Variants in XKR6 observed in about 807,000 individuals in gnomAD.
The protein encoded by XKR6 is XK related 6, also known as XK-related protein 6.
A neutral mutation model predicts 56.7 loss-of-function variants in XKR6; 22 were observed. That is an observed-to-expected ratio of 0.39 (90% CI 0.28 to 0.55). The LOEUF (loss-of-function observed/expected upper bound fraction) is 0.55. Among genes scored for constraint, XKR6 ranks in the 20% least tolerant of loss-of-function variants. XKR6 has a pLI of 0.66. For synonymous variants in XKR6, 524 were observed against 387.8 expected (o/e 1.35, Z -4.13); for missense variants, 852 against 889.0 (o/e 0.96, Z 0.53).
At chr8:11,098,908 G>GGA (rs1798362216) in intron 1 of XKR6, among the ~76,000 whole-genome samples, 1 of 150,164 alleles carries the variant, frequency 6.7e-6, no homozygotes, top group African/African-American at 2.4e-5. Context: ...TTCCCCCATG[G>GGA]AAAAAAAAAT....
intron 1 of XKR6, among the ~76,000 whole-genome samples, chr8:11,051,060 C>A (rs941851732): frequency 2.0e-5 from 3 of 152,130 alleles, no homozygotes; most frequent in African/African-American, 7.2e-5. Flanking sequence ...CTCATTCTTG[C>A]CAAAAAGTCA....
chr8:11,194,956 C>T (rs1228592826), intron 1 of XKR6: 3 of 539,054 alleles, frequency 5.6e-6, no homozygotes, highest in Non-Finnish European at 6.5e-6. Flanking sequence ...CATCCCCTTC[C>T]CTTGAAAATT....
intron 1 of XKR6, among the ~76,000 whole-genome samples, chr8:10,956,683 G>C (rs1563310888): frequency 1.3e-5 from 2 of 152,196 alleles, no homozygotes; most frequent in Non-Finnish European, 2.9e-5. Flanking sequence ...GGATGTCAAA[G>C]GGAAGCATCG....
chr8:11,072,914 G>A (rs1315203902), intron 1 of XKR6, among the ~76,000 whole-genome samples: 1 of 152,176 alleles, frequency 6.6e-6, no homozygotes, highest in Non-Finnish European at 1.5e-5. Flanking sequence ...GCCGGGCGTG[G>A]TGGCGGGTGC....
intron 1 of XKR6, among the ~76,000 whole-genome samples, chr8:11,092,822 A>T (rs1415151420): frequency 6.6e-6 from 1 of 152,164 alleles, no homozygotes; most frequent in Non-Finnish European, 1.5e-5. Context: ...GCCATGGAAG[A>T]CTGGAGCAGA....
chr8:11,078,890 C>T (rs1800342898), intron 1 of XKR6, among the ~76,000 whole-genome samples: 1 of 152,256 alleles, frequency 6.6e-6, no homozygotes, highest in Non-Finnish European at 1.5e-5. Flanking sequence ...AGGCCTCATC[C>T]TCATGAGCCG....
At chr8:11,191,516 C>T (rs1473705418) in intron 1 of XKR6, among the ~76,000 whole-genome samples, 9 of 152,020 alleles carry the variant, frequency 5.9e-5, no homozygotes, top group African/African-American at 2.2e-4. Context: ...GATATGATGC[C>T]AACATGAAGA....
At chr8:11,099,052 G>A (rs957964924) in intron 1 of XKR6, among the ~76,000 whole-genome samples, 11 of 152,108 alleles carry the variant, frequency 7.2e-5, no homozygotes, top group Non-Finnish European at 1.0e-4. Flanking sequence ...CACCCTCAAC[G>A]CCCCACCAGG....
intron 1 of XKR6, among the ~76,000 whole-genome samples, chr8:11,184,894 T>G (rs920231437): frequency 6.6e-5 from 10 of 152,132 alleles, no homozygotes; most frequent in Non-Finnish European, 1.5e-4. Context: ...ACAAACCAAA[T>G]AGAATTCCAT....
intron 1 of XKR6, among the ~76,000 whole-genome samples, chr8:11,184,287 C>G (rs1310908886): frequency 6.6e-6 from 1 of 151,924 alleles, no homozygotes; most frequent in African/African-American, 2.4e-5. Context: ...CATGCAGACC[C>G]CTGGTACAGT....
chr8:11,092,880 T>C (rs1798122230), intron 1 of XKR6, among the ~76,000 whole-genome samples: 1 of 152,178 alleles, frequency 6.6e-6, no homozygotes, highest in Non-Finnish European at 1.5e-5. Flanking sequence ...CCGCCTCATC[T>C]TACAGCAGGC....
chr8:11,183,643 A>T (rs545547713), intron 1 of XKR6, among the ~76,000 whole-genome samples: 1 of 152,228 alleles, frequency 6.6e-6, no homozygotes, highest in East Asian at 1.9e-4. Context: ...ATTTTTAAAA[A>T]TTATTTAAGA....
chr8:11,046,367 C>A (rs1282362581), intron 1 of XKR6, among the ~76,000 whole-genome samples: 1 of 151,766 alleles, frequency 6.6e-6, no homozygotes, highest in Non-Finnish European at 1.5e-5. Flanking sequence ...ACCACTGCAT[C>A]CCAGCCTGGG....
At chr8:11,017,726 G>C (rs905959815) in intron 1 of XKR6, among the ~76,000 whole-genome samples, 2 of 152,200 alleles carry the variant, frequency 1.3e-5, no homozygotes, top group African/African-American at 4.8e-5. Context: ...TTTGACCTGG[G>C]TCCTGAGGAC....
chr8:11,033,123 G>A (rs1008202251), intron 1 of XKR6, among the ~76,000 whole-genome samples: 1 of 150,126 alleles, frequency 6.7e-6, no homozygotes, highest in Non-Finnish European at 1.5e-5. Flanking sequence ...AGATTATCAC[G>A]ATGGTAATGA....
rs576297963 is a variant in XKR6, at chr8:11,061,937, G to C, written c.765-137107C>G. Among the ~76,000 whole-genome samples, 11 of 152,298 alleles carry C rather than the reference G, an allele frequency of 7.2e-5. No homozygotes were observed. The South Asian group carries it at 1.7e-3, about 23-fold the overall frequency. The stretch of plus-strand genomic sequence containing the variant: ...TGCTGCTCTTAGCTTCCCTGCCTGT[G>C]TCCCTCGGCTGGCCCTGCTCCTCCC... On this transcript the variant is annotated intron_variant, in intron 1 of 2. Transcript: ENST00000416569.
At chr8:11,045,640 A>C (rs1586472156) in intron 1 of XKR6, among the ~76,000 whole-genome samples, 1 of 152,186 alleles carries the variant, frequency 6.6e-6, no homozygotes, top group East Asian at 1.9e-4. Flanking sequence ...AGTGTTGCGG[A>C]CAGCTCGGAG....
chr8:10,902,852 A>G (rs893243336), intron 2 of XKR6, among the ~76,000 whole-genome samples: 3 of 152,094 alleles, frequency 2.0e-5, no homozygotes, highest in Admixed American at 2.0e-4. Flanking sequence ...CAAGGAGGGG[A>G]CTTGCCTGGG....
chr8:11,192,805 G>A (rs73665024), intron 1 of XKR6, among the ~76,000 whole-genome samples: 3,415 of 152,184 alleles, frequency 0.022, 144 homozygotes, highest in African/African-American at 0.077. Flanking sequence ...TGGCCCCGTG[G>A]GCTCTCCTAA....
Sources: allele counts gnomAD v4.1 joint callset (sites outside exome capture counted in the v4.1 genomes callset), GRCh38; gene constraint gnomAD v4.1.1; transcripts MANE v1.5; gene names NCBI Gene and HGNC (gene_info 2026-07-23, HGNC 2026-07-21).